ZMIZ1: variants seen among roughly 807,000 people sequenced by gnomAD.
ZMIZ1 encodes zinc finger MIZ domain-containing protein 1.
ZMIZ1 carries 17 observed loss-of-function variants against 113.9 expected under a neutral mutation model. That is an observed-to-expected ratio of 0.15 (90% confidence interval 0.10 to 0.22). ZMIZ1 has a LOEUF of 0.22. Among genes scored for constraint, ZMIZ1 ranks in the 10% least tolerant of loss-of-function variants. ZMIZ1 has a pLI of 1.00. For synonymous variants in ZMIZ1, 607 were observed against 603.1 expected (o/e 1.01, Z -0.09); for missense variants, 1,059 against 1,477.8 (o/e 0.72, Z 4.65).
At chr10:79,111,387 G>C (rs190904184) in intron 1 of ZMIZ1, among the ~76,000 whole-genome samples, 29 of 152,356 alleles carry the variant, frequency 1.9e-4, no homozygotes, top group Admixed American at 9.1e-4. Context: ...ATTCCAGAAG[G>C]ACAGAAGTGT....
chr10:79,202,189 GAAAAAAAAAAAA>G (rs58021590), intron 5 of ZMIZ1, among the ~76,000 whole-genome samples: 5 of 52,636 alleles, frequency 9.5e-5, no homozygotes, highest in African/African-American at 1.9e-4. Context: ...CCCTGTCTCA[GAAAAAAAAAAAA>G]AAAAAAAAAA....
intron 7 of ZMIZ1, 173 bp downstream of exon 7, chr10:79,216,447 C>T (rs1848733359): frequency 3.7e-6 from 2 of 539,404 alleles, no homozygotes; most frequent in Non-Finnish European, 6.4e-6. Context: ...ACAGTTGGGG[C>T]TGTCCTCGTG....
At chr10:79,269,549 T>C (rs759808663) in intron 7 of ZMIZ1, among the ~76,000 whole-genome samples, 1 of 152,022 alleles carries the variant, frequency 6.6e-6, no homozygotes, top group Non-Finnish European at 1.5e-5. Flanking sequence ...CTTAGGCCTT[T>C]GTTTCATTTT....
chr10:79,165,621 C>A (rs1454106415), intron 4 of ZMIZ1, among the ~76,000 whole-genome samples: 1 of 131,724 alleles, frequency 7.6e-6, no homozygotes, highest in Non-Finnish European at 1.8e-5. Context: ...CACATTCAGA[C>A]TGGCCTGGGG....
chr10:79,201,578 T>G lies in ZMIZ1; in HGVS notation c.-49-6T>G. The G allele has an allele frequency of 3.1e-6, 5 of 1,603,402 alleles. No individual in the cohort carries two copies. The South Asian group carries it at 3.3e-5, about 11-fold the overall frequency. ...TCCAGTGACAACCTCTCCTTTCTCTTCGCAGGCTGGACAACGTTCATGGCT... is the reference window on the plus strand; with the variant it reads ...TCCAGTGACAACCTCTCCTTTCTCTGCGCAGGCTGGACAACGTTCATGGCT... On this transcript the variant is annotated splice_polypyrimidine_tract_variant and splice_region_variant and intron_variant, in intron 4 of 24. Coordinates refer to ENST00000334512, the MANE Select transcript of ZMIZ1 (RefSeq NM_020338.4).
chr10:79,198,800 G>T (rs1008430629), intron 4 of ZMIZ1, among the ~76,000 whole-genome samples: 1 of 152,178 alleles, frequency 6.6e-6, no homozygotes, highest in East Asian at 1.9e-4. Context: ...TTGGGGGGCC[G>T]AGGTGGGCAG....
At chr10:79,283,449 A>G (rs940426977) in intron 8 of ZMIZ1, among the ~76,000 whole-genome samples, 3 of 152,214 alleles carry the variant, frequency 2.0e-5, no homozygotes, top group African/African-American at 7.2e-5. Context: ...TGGACCAGTC[A>G]TTATTCCCCT....
chr10:79,083,726 G>T (rs1015128968), intron 1 of ZMIZ1, among the ~76,000 whole-genome samples: 2 of 152,142 alleles, frequency 1.3e-5, no homozygotes, highest in Non-Finnish European at 2.9e-5. Context: ...AAACAAGGTC[G>T]GATCCTGAAT....
intron 7 of ZMIZ1, among the ~76,000 whole-genome samples, chr10:79,216,941 T>C (rs1288858018): frequency 6.6e-6 from 1 of 152,218 alleles, no homozygotes; most frequent in African/African-American, 2.4e-5. Flanking sequence ...ACTTTAAAGA[T>C]ACAGTTTTAT....
intron 7 of ZMIZ1, among the ~76,000 whole-genome samples, chr10:79,233,784 T>TG (rs1261961584): frequency 3.7e-4 from 10 of 26,818 alleles, no homozygotes; most frequent in Admixed American, 2.3e-3. Flanking sequence ...GTAGGGAGGG[T>TG]GGGGGGGCCT....
intron 7 of ZMIZ1, among the ~76,000 whole-genome samples, chr10:79,238,074 G>A (rs1309850679): frequency 6.6e-6 from 1 of 152,136 alleles, no homozygotes; most frequent in Non-Finnish European, 1.5e-5. Flanking sequence ...CCCCCTCCCC[G>A]CTCGGTAGCC....
At chr10:79,199,669 T>A (rs1036896007) in intron 4 of ZMIZ1, among the ~76,000 whole-genome samples, 7 of 151,836 alleles carry the variant, frequency 4.6e-5, no homozygotes, top group African/African-American at 1.7e-4. Flanking sequence ...TGCTTCTAGA[T>A]GAGACTCTCC....
intron 7 of ZMIZ1, among the ~76,000 whole-genome samples, chr10:79,272,858 G>T (rs1852034569): frequency 6.6e-6 from 1 of 152,238 alleles, no homozygotes; most frequent in African/African-American, 2.4e-5. Context: ...AGCATTGGCA[G>T]TTCGAGTCTG....
chr10:79,224,770 C>CT (rs1297899302), intron 7 of ZMIZ1, among the ~76,000 whole-genome samples: 1 of 152,162 alleles, frequency 6.6e-6, no homozygotes, highest in East Asian at 1.9e-4. Context: ...TGATGTGTGT[C>CT]TGAGTGTGGG....
chr10:79,141,450 C>CTT (rs74767834), intron 3 of ZMIZ1, among the ~76,000 whole-genome samples: 6 of 148,534 alleles, frequency 4.0e-5, no homozygotes, highest in East Asian at 2.0e-4. Flanking sequence ...CCAAGGAAAG[C>CTT]TTTTTTTTTT....
intron 7 of ZMIZ1, among the ~76,000 whole-genome samples, chr10:79,244,109 C>T (rs1353967475): frequency 1.3e-5 from 2 of 152,226 alleles, no homozygotes; most frequent in Non-Finnish European, 2.9e-5. Context: ...TCGGAGGCAG[C>T]GCCTGAGGGT....
Position 79,288,237 on chromosome 10 carries a change from G to A in ZMIZ1, c.426-1538G>A, listed in dbSNP as rs1289384553. Among the ~76,000 whole-genome samples, 8 of 152,278 alleles carry A rather than the reference G, an allele frequency of 5.3e-5. No individual in the cohort carries two copies. In the South Asian group the frequency reaches 6.2e-4, roughly 12 times the overall value. On this transcript the variant is annotated intron_variant, in intron 8 of 24. Coordinates refer to ENST00000334512, the MANE Select transcript of ZMIZ1 (RefSeq NM_020338.4). ...ACAAGACTTGGCTGCCCTGATCTCC[G>A]CTGCCTGCGGGTCATGCAGCCCTCC...
At chr10:79,263,882 T>G (rs1284898865) in intron 7 of ZMIZ1, among the ~76,000 whole-genome samples, 2 of 152,136 alleles carry the variant, frequency 1.3e-5, no homozygotes, top group East Asian at 1.9e-4. Context: ...CTTCTTCTTA[T>G]GCTGGGTGGG....
chr10:79,233,304 C>T (rs1352770027), intron 7 of ZMIZ1, among the ~76,000 whole-genome samples: 4 of 152,204 alleles, frequency 2.6e-5, no homozygotes, highest in African/African-American at 9.7e-5. Flanking sequence ...GCTGTTATAG[C>T]AAAATACCTT....
Sources: allele counts gnomAD v4.1 joint callset (sites outside exome capture counted in the v4.1 genomes callset), GRCh38; gene constraint gnomAD v4.1.1; transcripts MANE v1.5; gene names NCBI Gene and HGNC (gene_info 2026-07-23, HGNC 2026-07-21).